PGM5: variants seen among roughly 807,000 people sequenced by gnomAD.
PGM5 encodes the protein phosphoglucomutase 5.
In PGM5, 23 loss-of-function variants were observed where a neutral mutation model predicts 59.2. The observed-to-expected ratio is 0.39, with a 90% confidence interval of 0.28 to 0.55. The LOEUF is 0.55. Among genes scored for constraint, PGM5 ranks in the 20% least tolerant of loss-of-function variants. PGM5 has a pLI of 0.66. For synonymous variants in PGM5, 214 were observed against 286.0 expected (o/e 0.75, Z 2.54); for missense variants, 574 against 748.3 (o/e 0.77, Z 2.72).
At chr9:68,384,700 A>G (rs1489852411) in intron 3 of PGM5, among the ~76,000 whole-genome samples, 156 bp downstream of exon 3, 8 of 148,930 alleles carry the variant, frequency 5.4e-5, no homozygotes, top group Admixed American at 1.3e-4. Flanking sequence ...GAGAGAAGAC[A>G]TGAGAGCAGC....
chr9:68,481,836 A>G (rs372117496), intron 8 of PGM5, among the ~76,000 whole-genome samples: 5 of 152,248 alleles, frequency 3.3e-5, no homozygotes, highest in East Asian at 1.9e-4. Flanking sequence ...GAGAAAATAC[A>G]TAGAATGAAA....
chr9:68,497,632 G>T (rs1554688283), intron 9 of PGM5: 1 of 152,158 alleles, frequency 6.6e-6, no homozygotes, highest in East Asian at 1.9e-4. Context: ...TTTTACTAAT[G>T]GCTTATTCTT....
At chr9:68,505,373 T>C (rs1458882629) in intron 10 of PGM5, among the ~76,000 whole-genome samples, 2 of 152,198 alleles carry the variant, frequency 1.3e-5, no homozygotes, top group African/African-American at 4.8e-5. Context: ...AAGTCAGTTC[T>C]GACATTATCT....
chr9:68,492,877 A>G (rs1280146622), intron 9 of PGM5, among the ~76,000 whole-genome samples: 1 of 152,228 alleles, frequency 6.6e-6, no homozygotes, highest in East Asian at 1.9e-4. Flanking sequence ...CTTCTACAAA[A>G]TATGGTTCAG....
At chr9:68,430,573 C>T (rs1363975339) in intron 6 of PGM5, among the ~76,000 whole-genome samples, 1 of 152,176 alleles carries the variant, frequency 6.6e-6, no homozygotes, top group Non-Finnish European at 1.5e-5. Flanking sequence ...TTCTCCAGGC[C>T]CAAGGACATT....
chr9:68,516,015 C>T (rs993076117), intron 10 of PGM5, among the ~76,000 whole-genome samples: 2 of 152,214 alleles, frequency 1.3e-5, no homozygotes, highest in African/African-American at 4.8e-5. Context: ...ATATCTCATT[C>T]TCACCACAAT....
chr9:68,398,460 C>G (rs1454277502), intron 6 of PGM5: 2 of 152,176 alleles, frequency 1.3e-5, no homozygotes, highest in African/African-American at 2.4e-5. Flanking sequence ...TCAGCAATAG[C>G]AGGAAGCTGT....
chr9:68,423,312 A>G (rs1042634667), intron 6 of PGM5, among the ~76,000 whole-genome samples: 1 of 152,202 alleles, frequency 6.6e-6, no homozygotes, highest in Non-Finnish European at 1.5e-5. Flanking sequence ...TGTTTTCCAT[A>G]GTGGTTGTAC....
At chr9:68,441,911 T>C (rs1296747794) in intron 6 of PGM5, among the ~76,000 whole-genome samples, 1 of 152,202 alleles carries the variant, frequency 6.6e-6, no homozygotes. Flanking sequence ...GTCAATTTTA[T>C]TTTTATATAC....
intron 7 of PGM5, among the ~76,000 whole-genome samples, chr9:68,467,829 T>C (rs1283557758): frequency 2.0e-5 from 3 of 150,330 alleles, no homozygotes; most frequent in African/African-American, 5.0e-5. Context: ...TATTGATTAA[T>C]ATGCTTTTTC....
At chr9:68,362,868 T>TC (rs1437881583) in intron 1 of PGM5, among the ~76,000 whole-genome samples, 1 of 118,526 alleles carries the variant, frequency 8.4e-6, no homozygotes, top group Non-Finnish European at 1.9e-5. Flanking sequence ...TCTTTTTCTT[T>TC]TTTTTTTTTT....
intron 6 of PGM5, among the ~76,000 whole-genome samples, chr9:68,410,558 TGAGGAGGAG>T (rs574549509): frequency 6.6e-6 from 1 of 151,726 alleles, no homozygotes; most frequent in African/African-American, 2.4e-5. Flanking sequence ...AGGATGATGA[TGAGGAGGAG>T]GAGGAGGAGG....
intron 2 of PGM5, among the ~76,000 whole-genome samples, chr9:68,383,158 A>G (rs1276690369): frequency 6.6e-6 from 1 of 151,794 alleles, no homozygotes; most frequent in Non-Finnish European, 1.5e-5. Flanking sequence ...CCCACTTACT[A>G]GAATAGGACT....
intron 7 of PGM5, among the ~76,000 whole-genome samples, chr9:68,473,857 T>C (rs183881505): frequency 1.3e-5 from 2 of 152,292 alleles, no homozygotes; most frequent in East Asian, 3.9e-4. Context: ...AGGAGAAATC[T>C]TGATACTGAA....
At chr9:68,377,463 C>T (rs1821950927) in intron 1 of PGM5, among the ~76,000 whole-genome samples, 1 of 152,136 alleles carries the variant, frequency 6.6e-6, no homozygotes, top group Non-Finnish European at 1.5e-5. Context: ...ATATTGAGAA[C>T]TACTAGATTG....
At chr9:68,508,155 G>A (rs1824688045) in intron 10 of PGM5, among the ~76,000 whole-genome samples, 1 of 152,112 alleles carries the variant, frequency 6.6e-6, no homozygotes, top group Non-Finnish European at 1.5e-5. Flanking sequence ...TAATCCCACA[G>A]ACAGAGCCCA....
chr9:68,414,908 C>G (rs1822997456), intron 6 of PGM5, among the ~76,000 whole-genome samples: 1 of 145,952 alleles, frequency 6.9e-6, no homozygotes, highest in African/African-American at 2.7e-5. Flanking sequence ...GGGTGTGAGG[C>G]ACAAGTTATT....
At chr9:68,460,931 A>G (rs1554685344) in intron 6 of PGM5, among the ~76,000 whole-genome samples, 1 of 152,088 alleles carries the variant, frequency 6.6e-6, no homozygotes, top group Non-Finnish European at 1.5e-5. Context: ...GAACAATGTG[A>G]ACATAAAGAC....
chr9:68,450,774 C>G (rs192904894), intron 6 of PGM5, among the ~76,000 whole-genome samples: 3 of 152,256 alleles, frequency 2.0e-5, no homozygotes, highest in Non-Finnish European at 4.4e-5. Flanking sequence ...CAGAGAAACT[C>G]AGTCAATAGC....
Sources: allele counts gnomAD v4.1 joint callset (sites outside exome capture counted in the v4.1 genomes callset), GRCh38; gene constraint gnomAD v4.1.1; transcripts MANE v1.5; gene names NCBI Gene and HGNC (gene_info 2026-07-23, HGNC 2026-07-21).